The following MICOS13 variants were observed in gnomAD, a reference collection of about 807,000 sequenced individuals.
The protein encoded by MICOS13 is MICOS complex subunit MIC13.
In MICOS13, 15 loss-of-function variants were observed where a neutral mutation model predicts 16.1. The ratio of observed to expected loss-of-function variants is 0.93; its 90% CI spans 0.62 to 1.44. MICOS13 has a LOEUF of 1.44. MICOS13 is among the 40% of genes most tolerant of loss of function. MICOS13 has a pLI of 0.00. For missense variants in MICOS13, 164 were observed against 155.0 expected, an observed-to-expected ratio of 1.06 and a Z score of -0.31; for synonymous variants, 61 against 62.6, an observed-to-expected ratio of 0.97 and a Z score of 0.12.
chr19:5,680,200 CT>C, intron 1 of MICOS13: 1 of 1,538,686 alleles, frequency 6.5e-7, no homozygotes, highest in South Asian at 1.2e-5. Context: ...GAGAAGACAA[CT>C]GAGGCTCGGA....
intron 3 of MICOS13, 132 bp downstream of exon 3, chr19:5,679,213 C>G (rs1258395501): frequency 7.8e-6 from 8 of 1,019,936 alleles, no homozygotes; most frequent in Non-Finnish European, 1.0e-5. Flanking sequence ...TGCTCGGCCT[C>G]CTTTCCCTTT....
Position 5,680,470 on chromosome 19 carries a change from C to A in MICOS13, c.17G>T (p.Trp6Leu). ...CGCCCCCACGCACCTCATCAGCGAC[C>A]ACACCCGGGCCACCATGGTCGCTCG... The part of the protein sequence containing the change: MVARV[W>L]SLMRFLIKGS... Residue 6 changes from tryptophan to leucine, a missense_variant, in exon 1 of 4, where the codon TGG (tryptophan) becomes TTG (leucine). Trp to Leu is a moderately conservative substitution (Grantham distance 61). Transcript: ENST00000309324. 1 of 1,610,424 alleles carries A rather than the reference C, an allele frequency of 6.2e-7. No individual in the cohort carries two copies. Among genetic ancestry groups the A allele is most frequent in the Non-Finnish European group, 8.5e-7 (1 of 1,179,280 alleles).
In MICOS13 at chr19:5,679,722, A is replaced by G; in HGVS notation, c.71T>C (p.Leu24Pro). The change falls in exon 2 of 4, where the codon CTG (leucine) becomes CCG (proline). Residue 24 changes from leucine to proline, a missense_variant. Physicochemically the swap from Leu to Pro is moderately conservative, Grantham distance 98. Coordinates refer to ENST00000309324, the MANE Select transcript of MICOS13 (RefSeq NM_205767.3). ...KGSVAGGAVYLVYDQELLGPS... is the reference protein window; with the variant it reads ...KGSVAGGAVYPVYDQELLGPS... ...CCCCAGCAGCTCCTGGTCGTACACC[A>G]GGTAGACGGCGCCCCCAGCCACACT... The G allele has an allele frequency of 6.2e-7, 1 of 1,609,616 alleles. No individual in the cohort carries two copies. The highest frequency in any genetic ancestry group is 8.5e-7 in the Non-Finnish European group (1 of 1,179,162).
intron 3 of MICOS13, 114 bp from the exon 4 acceptor site, chr19:5,678,762 G>GGGGC: frequency 1.7e-6 from 1 of 576,978 alleles, no homozygotes; most frequent in East Asian, 3.5e-5. Flanking sequence ...GGGGGGCGGG[G>GGGGC]ATGGAGTCTC....
intron 1 of MICOS13, 128 bp downstream of exon 1, chr19:5,680,330 A>G: frequency 6.2e-7 from 1 of 1,607,492 alleles, no homozygotes. Context: ...TCTGGCCCAT[A>G]GGCGGGGAAC....
chr19:5,678,525 CG>C lies in MICOS13; in HGVS notation c.*25del. ...CAGTGGCAGCCCTGCCCGTTCTGGCCGGGGCAGGCGGCCCCTGCTGACTCGC... is the reference window on the plus strand; with the variant it reads ...CAGTGGCAGCCCTGCCCGTTCTGGCCGGGCAGGCGGCCCCTGCTGACTCGC... On this transcript the variant is annotated 3_prime_UTR_variant, in exon 4 of 4. Transcript: ENST00000309324. The C allele has an allele frequency of 6.5e-7, 1 of 1,537,870 alleles. No individual in the cohort carries two copies. The highest frequency in any genetic ancestry group is 8.8e-7 in the Non-Finnish European group (1 of 1,137,490).
chr19:5,679,192 G>A lies in MICOS13; in HGVS notation c.259+153C>T, dbSNP rs189369241. 16 of 809,872 alleles carry A rather than the reference G, an allele frequency of 2.0e-5. No individual in the cohort carries two copies. The Admixed American group carries it at 2.6e-4, about 13-fold the overall frequency. The allele number at this position is 809,872 out of a possible 1,614,324, so 50.2% of individuals were successfully genotyped here. Reference sequence around the variant, plus strand: ...CTCCCAAAGTGCTGGGATTACAGGCGTGAGCCACTGTGCTCGGCCTCCTTT... The same window carrying A: ...CTCCCAAAGTGCTGGGATTACAGGCATGAGCCACTGTGCTCGGCCTCCTTT... On this transcript the variant is annotated intron_variant, in intron 3 of 3. Coordinates refer to ENST00000309324, the MANE Select transcript of MICOS13 (RefSeq NM_205767.3).
In MICOS13 at chr19:5,678,621, G is replaced by A. The variant is rs997898665; in HGVS notation, c.287C>T (p.Ser96Leu). The change falls in exon 4 of 4, where the codon TCG becomes TTG. Residue 96 changes from serine to leucine, a missense_variant. Physicochemically the swap from Ser to Leu is moderately radical, Grantham distance 145. Transcript: ENST00000309324. ...AGIMTVMSAL[S>L]VAPSKAREYS... ...CTCGCGGGCCTTGGAGGGGGCCACC[G>A]ACAGAGCTGACATCACCGTCATGAT... 1.8e-5 allele frequency: 28 copies of A among 1,543,116 alleles called. No individual in the cohort carries two copies. Among genetic ancestry groups the A allele is most frequent in the Admixed American group, 4.0e-5 (2 of 49,602 alleles).
At chr19:5,679,863 C>T (rs2054501130) in intron 1 of MICOS13, 100 bp from the exon 2 acceptor site, 4 of 1,439,038 alleles carry the variant, frequency 2.8e-6, no homozygotes, top group Middle Eastern at 2.0e-4. Flanking sequence ...TGAGGGCTCA[C>T]CGTCCACAGG....
Position 5,678,432 on chromosome 19 carries a change from G to T in MICOS13, c.*119C>A. The T allele has an allele frequency of 2.1e-6, 2 of 973,450 alleles. No individual in the cohort carries two copies. The highest frequency in any genetic ancestry group is 3.1e-6 in the Non-Finnish European group (2 of 652,204). The allele number at this position is 973,450 out of a possible 1,614,324, so 60.3% of individuals were successfully genotyped here. On this transcript the variant is annotated 3_prime_UTR_variant, in exon 4 of 4. Coordinates refer to ENST00000309324, the MANE Select transcript of MICOS13 (RefSeq NM_205767.3). The stretch of plus-strand genomic sequence containing the variant: ...ACACGGGTCAGGGAACACTTCTGAA[G>T]TCCTTTATTGGGCCGGCAAGGCCGG...
chr19:5,679,763 C>T lies in MICOS13; in HGVS notation c.30G>A (p.Arg10=), dbSNP rs760449674. Residue 10 remains arginine (R), a splice_region_variant and synonymous_variant, in exon 2 of 4, where the codon AGG becomes AGA. Transcript: ENST00000309324. MVARVWSLM[R]FLIKGSVAGG... Reference sequence around the variant, plus strand: ...CAGCCACACTTCCCTTGATGAGGAACCTGCGGGCAGGGACGGGAGGAGCAG... The same window carrying T: ...CAGCCACACTTCCCTTGATGAGGAATCTGCGGGCAGGGACGGGAGGAGCAG... The T allele has an allele frequency of 2.7e-5, 43 of 1,599,142 alleles. No homozygotes were observed. The highest frequency in any genetic ancestry group is 4.0e-5 in the African/African-American group (3 of 74,586).
chr19:5,679,691 G>T lies in MICOS13; in HGVS notation c.102C>A (p.Ser34Arg). 1 of 1,609,974 alleles carries T rather than the reference G, an allele frequency of 6.2e-7. No individual in the cohort carries two copies. The highest frequency in any genetic ancestry group is 8.5e-7 in the Non-Finnish European group (1 of 1,179,118). ...LVYDQELLGP[S>R]DKSQAALQKA... Reference sequence around the variant, plus strand: ...TCTGTAGGGCTGCCTGGCTCTTGTCGCTGGGCCCCAGCAGCTCCTGGTCGT... The same window carrying T: ...TCTGTAGGGCTGCCTGGCTCTTGTCTCTGGGCCCCAGCAGCTCCTGGTCGT... Residue 34 changes from serine (S) to arginine (R), a missense_variant, in exon 2 of 4, where the codon AGC (serine) becomes AGA (arginine). By Grantham distance (110) the Ser-to-Arg change is moderately radical. Coordinates refer to ENST00000309324, the MANE Select transcript of MICOS13 (RefSeq NM_205767.3).
chr19:5,680,110 C>T lies in MICOS13; in HGVS notation c.30-347G>A, dbSNP rs952232690. On this transcript the variant is annotated intron_variant, in intron 1 of 3. Coordinates refer to ENST00000309324, the MANE Select transcript of MICOS13 (RefSeq NM_205767.3). The stretch of plus-strand genomic sequence containing the variant: ...CAAGTGTCCCTGGGCGCCTCCTGCC[C>T]GCTGTCACTCGCAGCTCCGAGCACG... 6 of 1,535,756 alleles carry T rather than the reference C, an allele frequency of 3.9e-6. No individual in the cohort carries two copies. The African/African-American group carries it at 4.1e-5, about 11-fold the overall frequency.
chr19:5,679,311 G>A (rs1387238854), intron 3 of MICOS13, 34 bp downstream of exon 3: 2 of 1,593,902 alleles, frequency 1.3e-6, no homozygotes, highest in East Asian at 2.2e-5. Flanking sequence ...AGACTGGGGT[G>A]TCTCCCTCCA....
At position 5,678,447 on chromosome 19, in the gene MICOS13, G is replaced by A. The variant is rs376137051; in HGVS notation, c.*104C>T. On this transcript the variant is annotated 3_prime_UTR_variant, in exon 4 of 4. Coordinates refer to ENST00000309324, the MANE Select transcript of MICOS13 (RefSeq NM_205767.3). ...CACTTCTGAAGTCCTTTATTGGGCC[G>A]GCAAGGCCGGGAGCTGCCCTCGGAG... is the stretch of plus-strand genomic sequence containing the variant. The A allele has an allele frequency of 2.3e-4, 257 of 1,140,566 alleles. 2 individuals carry two copies. Among genetic ancestry groups the A allele is most frequent in the East Asian group, 2.2e-3 (85 of 38,408 alleles). The allele number at this position is 1,140,566 out of a possible 1,614,324, so 70.7% of individuals were successfully genotyped here. A position where few individuals can be genotyped will look rare whatever the true frequency, so the allele number is the denominator to read the frequency against.
At chr19:5,678,951 C>G (rs1190185710) in intron 3 of MICOS13, 5 of 380,296 alleles carry the variant, frequency 1.3e-5, no homozygotes, top group African/African-American at 1.1e-4. Context: ...CCCTGTCGCC[C>G]AGGCTGGAGT....
rs781402874 is a variant in MICOS13 at position 5,680,107 on chromosome 19, G to A, written c.30-344C>T. ...AACCAAGTGTCCCTGGGCGCCTCCTGCCCGCTGTCACTCGCAGCTCCGAGC... is the reference window on the plus strand; with the variant it reads ...AACCAAGTGTCCCTGGGCGCCTCCTACCCGCTGTCACTCGCAGCTCCGAGC... On this transcript the variant is annotated intron_variant, in intron 1 of 3. Coordinates refer to ENST00000309324, the MANE Select transcript of MICOS13 (RefSeq NM_205767.3). The A allele has an allele frequency of 3.4e-5, 52 of 1,535,826 alleles. No homozygotes were observed. In the South Asian group the frequency reaches 5.5e-4, roughly 16 times the overall value.
chr19:5,679,286 G>A (rs764147103), intron 3 of MICOS13, 59 bp downstream of exon 3: 3 of 1,510,886 alleles, frequency 2.0e-6, no homozygotes, highest in Non-Finnish European at 2.7e-6. Context: ...TGGCCAGGAA[G>A]TGGGGAGAGG....
chr19:5,678,925 T>C, intron 3 of MICOS13: 1 of 399,090 alleles, frequency 2.5e-6, no homozygotes, highest in South Asian at 3.0e-5. Flanking sequence ...TTTTATTTTT[T>C]TGAGATGGAG....
Sources: allele counts gnomAD v4.1 joint callset, GRCh38; gene constraint gnomAD v4.1.1; transcripts MANE v1.5; gene names NCBI Gene and HGNC (gene_info 2026-07-23, HGNC 2026-07-21).